RORB: variants seen among roughly 807,000 people sequenced by gnomAD.
RORB encodes the protein nuclear receptor ROR-beta.
Under a neutral mutation model 59.1 loss-of-function variants are expected in RORB, and 6 were observed. That is an observed-to-expected ratio of 0.10 (90% confidence interval 0.06 to 0.20). The LOEUF (loss-of-function observed/expected upper bound fraction) is 0.20. RORB is among the 10% of genes least tolerant of loss of function. The pLI is 1.00. For synonymous variants in RORB, 215 were observed against 204.5 expected (o/e 1.05, Z -0.44); for missense variants, 320 against 560.5 (o/e 0.57, Z 4.33).
intron 8 of RORB, 34 bp from the exon 9 acceptor site, chr9:74,671,755 G>A (rs765274537): frequency 5.9e-6 from 8 of 1,358,372 alleles, no homozygotes; most frequent in Middle Eastern, 1.8e-4. Context: ...CAAAGTTGAT[G>A]TTCCCTCCAC....
At chr9:74,532,392 T>C (rs1303942898) in intron 1 of RORB, among the ~76,000 whole-genome samples, 3 of 151,896 alleles carry the variant, frequency 2.0e-5, no homozygotes, top group African/African-American at 7.2e-5. Flanking sequence ...TCTTTATTCC[T>C]CAAAAGCCTA....
At chr9:74,678,807 G>A (rs1490174516) in intron 9 of RORB, among the ~76,000 whole-genome samples, 1 of 152,010 alleles carries the variant, frequency 6.6e-6, no homozygotes, top group Non-Finnish European at 1.5e-5. Flanking sequence ...GGCCGAGGTG[G>A]GTGGATTACC....
intron 9 of RORB, among the ~76,000 whole-genome samples, chr9:74,678,508 A>C (rs1236369787): frequency 6.6e-6 from 1 of 152,220 alleles, no homozygotes; most frequent in Non-Finnish European, 1.5e-5. Context: ...AAAAGCTTAA[A>C]AGATAGAAGG....
intron 1 of RORB, among the ~76,000 whole-genome samples, chr9:74,558,810 G>T (rs954578185): frequency 6.6e-6 from 1 of 152,164 alleles, no homozygotes; most frequent in Non-Finnish European, 1.5e-5. Flanking sequence ...CAGGAGCTTT[G>T]CAATCTGTAT....
intron 1 of RORB, among the ~76,000 whole-genome samples, chr9:74,588,197 C>CAATAATT (rs1384306212): frequency 6.6e-6 from 1 of 152,070 alleles, no homozygotes; most frequent in Non-Finnish European, 1.5e-5. Context: ...GATAGTGGGG[C>CAATAATT]AAGCGTAATA....
intron 1 of RORB, among the ~76,000 whole-genome samples, chr9:74,500,414 A>G (rs889295525): frequency 7.9e-5 from 12 of 152,142 alleles, no homozygotes; most frequent in African/African-American, 2.2e-4. Context: ...TGAACTTGAG[A>G]GTGAACTTGA....
intron 1 of RORB, among the ~76,000 whole-genome samples, chr9:74,616,300 A>C (rs1823311659): frequency 6.6e-6 from 1 of 152,202 alleles, no homozygotes; most frequent in African/African-American, 2.4e-5. Flanking sequence ...AATGCACAAC[A>C]GTTGGAAATA....
At chr9:74,637,077 G>A (rs2118443177) in intron 3 of RORB, among the ~76,000 whole-genome samples, 1 of 152,262 alleles carries the variant, frequency 6.6e-6, no homozygotes, top group African/African-American at 2.4e-5. Context: ...TGAGTCAGAA[G>A]AATCCCTACC....
intron 1 of RORB, among the ~76,000 whole-genome samples, chr9:74,604,512 T>A (rs1823120080): frequency 6.6e-6 from 1 of 152,208 alleles, no homozygotes; most frequent in South Asian, 2.1e-4. Context: ...ACAATATATA[T>A]TGTTCTTTAG....
At chr9:74,502,666 G>A (rs1427288391) in intron 1 of RORB, among the ~76,000 whole-genome samples, 1 of 152,012 alleles carries the variant, frequency 6.6e-6, no homozygotes, top group East Asian at 1.9e-4. Flanking sequence ...GGTCTGCTGG[G>A]ATTCTGCAAA....
chr9:74,530,215 A>G (rs191870367), intron 1 of RORB, among the ~76,000 whole-genome samples: 157 of 152,188 alleles, frequency 1.0e-3, no homozygotes, highest in Non-Finnish European at 1.9e-3. Context: ...TGGTTGAGGA[A>G]GAAAACATGA....
intron 3 of RORB, among the ~76,000 whole-genome samples, chr9:74,637,374 T>A (rs1412207365): frequency 2.0e-5 from 3 of 152,240 alleles, no homozygotes; most frequent in Non-Finnish European, 4.4e-5. Flanking sequence ...ATCGGTTTAT[T>A]AGCTATCGAA....
At chr9:74,634,251 G>A (rs970885396) in intron 2 of RORB, among the ~76,000 whole-genome samples, 1 of 152,120 alleles carries the variant, frequency 6.6e-6, no homozygotes, top group Non-Finnish European at 1.5e-5. Context: ...ACAAACCTGT[G>A]TGATTTTTCC....
rs1825881515 is a variant in RORB at position 74,507,202 on chromosome 9, G to A, written c.7+9219G>A. ...ATGGAGGCTAAACCATTGGAGAACA[G>A]TCGTTTTACTTGAAGTGTTACATAT... On this transcript the variant is annotated intron_variant, in intron 1 of 9. Coordinates refer to ENST00000376896, the MANE Select transcript of RORB (RefSeq NM_006914.4). Among the ~76,000 whole-genome samples, 4 of 152,184 alleles carry A rather than the reference G, an allele frequency of 2.6e-5. No individual in the cohort carries two copies. In the South Asian group the frequency reaches 8.3e-4, roughly 32 times the overall value.
intron 1 of RORB, among the ~76,000 whole-genome samples, chr9:74,628,303 G>GT (rs1248602056): frequency 3.3e-5 from 5 of 152,094 alleles, no homozygotes; most frequent in Admixed American, 6.5e-5. Context: ...TGTCTCTTCT[G>GT]TTTTTTTATC....
chr9:74,668,460 C>T (rs751245640), intron 8 of RORB, among the ~76,000 whole-genome samples: 7 of 152,108 alleles, frequency 4.6e-5, no homozygotes, highest in Non-Finnish European at 5.9e-5. Flanking sequence ...GCATTAACTC[C>T]CTGCATGCAG....
chr9:74,519,576 T>C (rs1826055148), intron 1 of RORB, among the ~76,000 whole-genome samples: 1 of 152,016 alleles, frequency 6.6e-6, no homozygotes, highest in Admixed American at 6.6e-5. Flanking sequence ...CTTCTGTAAC[T>C]CTTTTAAAAT....
intron 1 of RORB, among the ~76,000 whole-genome samples, chr9:74,504,435 A>G (rs535896385): frequency 1.3e-5 from 2 of 152,178 alleles, no homozygotes; most frequent in South Asian, 4.1e-4. Flanking sequence ...GCCAAAACGA[A>G]CATCTTGCCT....
chr9:74,616,484 G>A (rs1055964330), intron 1 of RORB, among the ~76,000 whole-genome samples: 1 of 152,076 alleles, frequency 6.6e-6, no homozygotes, highest in Non-Finnish European at 1.5e-5. Flanking sequence ...TACTGTTTCT[G>A]TGCAATTACC....
Sources: allele counts gnomAD v4.1 joint callset (sites outside exome capture counted in the v4.1 genomes callset), GRCh38; gene constraint gnomAD v4.1.1; transcripts MANE v1.5; gene names NCBI Gene and HGNC (gene_info 2026-07-23, HGNC 2026-07-21).